Variants in SAMD3 observed in about 807,000 individuals in gnomAD.
SAMD3 encodes the protein sterile alpha motif domain-containing protein 3.
Under a neutral mutation model 58.5 loss-of-function variants are expected in SAMD3, and 63 were observed. The ratio of observed to expected loss-of-function variants is 1.08; its 90% CI spans 0.88 to 1.33. The LOEUF (loss-of-function observed/expected upper bound fraction) is 1.33. Among genes scored for constraint, SAMD3 ranks in the 40% most tolerant of loss-of-function variants. SAMD3 has a pLI of 0.00. For missense variants in SAMD3, 604 were observed against 608.4 expected, an observed-to-expected ratio of 0.99 and a Z score of 0.08; for synonymous variants, 220 against 210.3, an observed-to-expected ratio of 1.05 and a Z score of -0.40.
chr6:130,248,561 C>T (rs1418252546), intron 2 of SAMD3, among the ~76,000 whole-genome samples: 1 of 152,148 alleles, frequency 6.6e-6, no homozygotes, highest in East Asian at 1.9e-4. Flanking sequence ...CCAGGGATGC[C>T]AGTCTACTCA....
intron 2 of SAMD3, among the ~76,000 whole-genome samples, chr6:130,269,013 T>A (rs992495296): frequency 1.3e-5 from 2 of 152,206 alleles, no homozygotes; most frequent in African/African-American, 4.8e-5. Context: ...GCTTTTGATG[T>A]CAGGTCTGAG....
At position 130,180,959 on chromosome 6, in the gene SAMD3, TC is replaced by T. The variant is rs869085288; in HGVS notation, c.654+3143del. On this transcript the variant is annotated intron_variant, in intron 7 of 11. Coordinates refer to ENST00000439090, the MANE Select transcript of SAMD3 (RefSeq NM_001017373.4). ...TTTTTCTTTTTCTTTCTTTCTTTTTTCTTTTGAGACGGAGTTCCGCTCTTGT... is the reference window on the plus strand; with the variant it reads ...TTTTTCTTTTTCTTTCTTTCTTTTTTTTTTGAGACGGAGTTCCGCTCTTGT... 1.4e-3 allele frequency among the ~76,000 whole-genome samples: 204 copies of T among 140,864 alleles called. 3 individuals are homozygous for T. Among genetic ancestry groups the T allele is most frequent in the Non-Finnish European group, 2.4e-3 (158 of 64,588 alleles). The allele number at this position is 140,864 out of a possible 152,430, so 92.4% of individuals were successfully genotyped here. A position where few individuals can be genotyped will look rare whatever the true frequency, so the allele number is the denominator to read the frequency against.
At chr6:130,299,542 C>T (rs1406205692) in intron 2 of SAMD3, among the ~76,000 whole-genome samples, 3 of 151,714 alleles carry the variant, frequency 2.0e-5, no homozygotes, top group Non-Finnish European at 4.4e-5. Context: ...TAATGTTGCA[C>T]CTAAAGGAAC....
intron 1 of SAMD3, among the ~76,000 whole-genome samples, chr6:130,358,475 C>T (rs2115043727): frequency 6.6e-6 from 1 of 152,222 alleles, no homozygotes; most frequent in African/African-American, 2.4e-5. Context: ...GGTGAACTTC[C>T]AAAATCTGTC....
chr6:130,319,553 A>G (rs1776512194), intron 1 of SAMD3, among the ~76,000 whole-genome samples: 1 of 152,150 alleles, frequency 6.6e-6, no homozygotes, highest in South Asian at 2.1e-4. Flanking sequence ...CAGGGAAAAC[A>G]TCTTGCAAAA....
At chr6:130,149,811 G>A (rs953184467) in intron 9 of SAMD3, among the ~76,000 whole-genome samples, 6 of 152,164 alleles carry the variant, frequency 3.9e-5, no homozygotes, top group East Asian at 1.9e-4. Flanking sequence ...AAACCCCCAC[G>A]ACATGCAATC....
intron 10 of SAMD3, 31 bp from the exon 11 acceptor site, chr6:130,145,453 T>C (rs1205769903): frequency 6.7e-7 from 1 of 1,491,216 alleles, no homozygotes; most frequent in East Asian, 2.3e-5. Flanking sequence ...ACATGTGAAG[T>C]AAAAATAAGC....
chr6:130,361,364 C>T (rs147906892), intron 1 of SAMD3, among the ~76,000 whole-genome samples: 15 of 152,262 alleles, frequency 9.9e-5, no homozygotes, highest in East Asian at 5.8e-4. Context: ...CCTGACTTCC[C>T]GCAACATGAA....
At chr6:130,148,513 C>T (rs987021158) in intron 9 of SAMD3, among the ~76,000 whole-genome samples, 4 of 152,094 alleles carry the variant, frequency 2.6e-5, no homozygotes, top group African/African-American at 4.8e-5. Flanking sequence ...TTGTTTTGCC[C>T]CCAACCCTGT....
At chr6:130,143,625 G>T (rs560671579), downstream of SAMD3, 295 of 152,238 alleles carry the variant, frequency 1.9e-3, no homozygotes, top group African/African-American at 6.7e-3. Flanking sequence ...TGCTGTGTAG[G>T]TATTTTTAAC....
chr6:130,284,389 A>G (rs112363357), intron 2 of SAMD3, among the ~76,000 whole-genome samples: 7 of 152,200 alleles, frequency 4.6e-5, no homozygotes, highest in African/African-American at 1.7e-4. Flanking sequence ...TATCTAAATA[A>G]CTAGAGAATA....
At chr6:130,150,864 A>G (rs532869147) in intron 9 of SAMD3, among the ~76,000 whole-genome samples, 1 of 152,018 alleles carries the variant, frequency 6.6e-6, no homozygotes, top group East Asian at 1.9e-4. Context: ...GGTGTGTGCC[A>G]CCACACCCGG....
At chr6:130,258,051 AT>A (rs750811649) in intron 2 of SAMD3, among the ~76,000 whole-genome samples, 2 of 152,070 alleles carry the variant, frequency 1.3e-5, no homozygotes, top group Non-Finnish European at 2.9e-5. Flanking sequence ...CTTTTTAATT[AT>A]TGTGAGTGTT....
chr6:130,175,773 T>G (rs1791666865), intron 8 of SAMD3, 68 bp downstream of exon 8: 12 of 1,012,636 alleles, frequency 1.2e-5, no homozygotes, highest in Non-Finnish European at 1.5e-5. Flanking sequence ...TAAATGCTAT[T>G]ATTTATTATC....
At chr6:130,194,072 A>T (rs1268751707) in intron 5 of SAMD3, among the ~76,000 whole-genome samples, 1 of 151,866 alleles carries the variant, frequency 6.6e-6, no homozygotes, top group East Asian at 1.9e-4. Context: ...CCACTCTATA[A>T]TCTTTTTATC....
Position 130,292,263 on chromosome 6 carries a change from C to CT in SAMD3, c.-188+20714dup, listed in dbSNP as rs1412339110. 3.0e-3 allele frequency among the ~76,000 whole-genome samples: 378 copies of CT among 125,772 alleles called. 8 individuals carry two copies. Among genetic ancestry groups the CT allele is most frequent in the East Asian group, 6.6e-3 (26 of 3,940 alleles). 82.5% of individuals were successfully genotyped at this position (125,772 alleles called of 152,430 possible). A position where few individuals can be genotyped will look rare whatever the true frequency, so the allele number is the denominator to read the frequency against. On this transcript the variant is annotated intron_variant, in intron 2 of 13. Coordinates refer to the SAMD3 transcript ENST00000368134. ...AATTCTCAGGAATAACTTTTTTTTT[C>CT]TTTCTTTCTTTTTTTTTTTTTTTTG...
rs7739706 is a variant in SAMD3, at chr6:130,302,701, G to C, written c.-188+10277C>G. On this transcript the variant is annotated intron_variant, in intron 2 of 13. Coordinates refer to the SAMD3 transcript ENST00000368134. ...CTAAGTGACCATCAGTGGTGGGTTC[G>C]ACAAGGAAAATGTGGTACATATGCA... Among the ~76,000 whole-genome samples, 1,108 of 152,236 alleles carry C rather than the reference G, an allele frequency of 7.3e-3. 16 individuals are homozygous for C. The highest frequency in any genetic ancestry group is 0.023 in the African/African-American group (971 of 41,516).
chr6:130,170,768 C>T (rs181120620), intron 8 of SAMD3, among the ~76,000 whole-genome samples: 55 of 152,250 alleles, frequency 3.6e-4, no homozygotes, highest in African/African-American at 1.3e-3. Context: ...TATAGGAATG[C>T]TTGTGGTTTT....
At chr6:130,240,509 A>C (rs992272830) in intron 2 of SAMD3, among the ~76,000 whole-genome samples, 1 of 152,216 alleles carries the variant, frequency 6.6e-6, no homozygotes, top group Non-Finnish European at 1.5e-5. Flanking sequence ...AAAACAGTCT[A>C]AATCAATTTA....
Sources: allele counts gnomAD v4.1 joint callset (sites outside exome capture counted in the v4.1 genomes callset), GRCh38; gene constraint gnomAD v4.1.1; transcripts MANE v1.5; gene names NCBI Gene and HGNC (gene_info 2026-07-23, HGNC 2026-07-21).